Variants in PLEKHA5 observed in about 807,000 individuals in gnomAD.
PLEKHA5 encodes pleckstrin homology domain containing A5, also known as pleckstrin homology domain-containing family A member 5.
PLEKHA5 carries 55 observed loss-of-function variants against 181.9 expected under a neutral mutation model. The ratio of observed to expected loss-of-function variants is 0.30; its 90% CI spans 0.24 to 0.38. PLEKHA5 has a LOEUF of 0.38. PLEKHA5 is among the 10% of genes least tolerant of loss of function. The pLI is 1.00. For synonymous variants in PLEKHA5, 535 were observed against 529.4 expected, an observed-to-expected ratio of 1.01 and a Z score of -0.15; for missense variants, 1,432 against 1,549.5, an observed-to-expected ratio of 0.92 and a Z score of 1.27.
chr12:19,292,760 G>A (rs2078794796), intron 15 of PLEKHA5, among the ~76,000 whole-genome samples: 3 of 152,052 alleles, frequency 2.0e-5, no homozygotes, highest in South Asian at 4.1e-4. Flanking sequence ...CCAACGTGGC[G>A]AAACACCGTC....
Position 19,314,889 on chromosome 12 carries a change from C to T in PLEKHA5, c.2113C>T (p.Gln705Ter). The change falls in exon 16 of 32, where the codon CAG (glutamine) becomes TAG (stop). Residue 705 changes from glutamine to a stop codon, truncating the protein, a stop_gained. Coordinates refer to ENST00000429027, the MANE Select transcript of PLEKHA5 (RefSeq NM_001256470.2). LOFTEE classifies it high-confidence loss of function. ...ENSALRPQLY[Q>*]QFLRQKSKIS... ...CTCGGCGCTAAGACCCCAACTGTAC[C>T]AGCAAGTAAGGTCTTGGACAGTGAA... 6.6e-7 allele frequency: 1 copy of T among 1,525,236 alleles called. No homozygotes were observed. Among genetic ancestry groups the T allele is most frequent in the Non-Finnish European group, 8.9e-7 (1 of 1,122,962 alleles). The allele number at this position is 1,525,236 out of a possible 1,614,324, so 94.5% of individuals were successfully genotyped here.
chr12:19,201,977 A>T (rs1023619103), intron 3 of PLEKHA5: 7 of 913,828 alleles, frequency 7.7e-6, no homozygotes, highest in African/African-American at 1.8e-5. Flanking sequence ...ACTGCAATAA[A>T]ACTAAATAAA....
At chr12:19,176,979 C>T (rs749060674) in intron 3 of PLEKHA5, among the ~76,000 whole-genome samples, 22 of 151,916 alleles carry the variant, frequency 1.4e-4, no homozygotes, top group Non-Finnish European at 2.2e-4. Context: ...GTCTCTCTCC[C>T]GCCTCGGCCT....
In PLEKHA5 at chr12:19,283,495, A is replaced by G. The variant is rs778059703; in HGVS notation, c.1529A>G (p.Tyr510Cys). ...AGAGATGACACAATGTGGCAGCTCTACGAATGGCAGCAGCGTCAGTTTTAT... is the reference window on the plus strand; with the variant it reads ...AGAGATGACACAATGTGGCAGCTCTGCGAATGGCAGCAGCGTCAGTTTTAT... ...SMRDDTMWQL[Y>C]EWQQRQFYNK... Residue 510 changes from tyrosine (Y) to cysteine (C), a missense_variant, in exon 12 of 32, where the codon TAC becomes TGC. By Grantham distance (194) the Tyr-to-Cys change is radical. This residue lies in a region of PLEKHA5 where 1,143 missense variants were observed against 1,168.4 expected (regional missense o/e 0.98). Transcript: ENST00000429027. The G allele has an allele frequency of 1.9e-6, 3 of 1,614,210 alleles. No individual in the cohort carries two copies. Among genetic ancestry groups the G allele is most frequent in the Admixed American group, 3.3e-5 (2 of 60,018 alleles).
At chr12:19,234,558 C>T (rs1057371224) in intron 3 of PLEKHA5, among the ~76,000 whole-genome samples, 5 of 152,180 alleles carry the variant, frequency 3.3e-5, no homozygotes, top group Non-Finnish European at 7.3e-5. Flanking sequence ...AGTCTCTTGA[C>T]ACATCCCTGC....
At chr12:19,231,926 A>AT (rs2060687929) in intron 3 of PLEKHA5, among the ~76,000 whole-genome samples, 1 of 152,110 alleles carries the variant, frequency 6.6e-6, no homozygotes, top group African/African-American at 2.4e-5. Context: ...ATCGAGAAAA[A>AT]TTGTCTTCAA....
At position 19,369,697 on chromosome 12, in the gene PLEKHA5, A is replaced by G. The variant is rs1216090919; in HGVS notation, c.3759A>G (p.Lys1253=). 6.2e-7 allele frequency: 1 copy of G among 1,600,320 alleles called. No individual in the cohort carries two copies. Among genetic ancestry groups the G allele is most frequent in the Non-Finnish European group, 8.5e-7 (1 of 1,172,728 alleles). ...VSRGNQTMAV[K]SLSPSPESSA... ...CATTTTCTTTGTGTGTTTTAGTGAA[A>G]AGTCTGTCCCCATCTCCTGAGTCCT... is the stretch of plus-strand genomic sequence containing the variant. The change falls in exon 31 of 32, where the codon AAA becomes AAG. Residue 1253 remains lysine (K), a synonymous_variant. Coordinates refer to ENST00000429027, the MANE Select transcript of PLEKHA5 (RefSeq NM_001256470.2).
intron 3 of PLEKHA5, among the ~76,000 whole-genome samples, chr12:19,209,702 A>G (rs2056517907): frequency 6.6e-6 from 1 of 152,206 alleles, no homozygotes; most frequent in Non-Finnish European, 1.5e-5. Context: ...GGCTACCAAG[A>G]GGTGGAAGTG....
intron 15 of PLEKHA5, chr12:19,306,891 C>T: frequency 1.2e-6 from 1 of 809,278 alleles, no homozygotes; most frequent in Non-Finnish European, 2.1e-6. Context: ...AAGGCTAAGG[C>T]TTGTCTCTGT....
chr12:19,374,560 G>A (rs931280991), intron 31 of PLEKHA5, among the ~76,000 whole-genome samples: 1 of 152,040 alleles, frequency 6.6e-6, no homozygotes. Context: ...TCTAGAGGCT[G>A]AGGCAGGAAA....
chr12:19,141,198 C>T (rs1332412296), intron 3 of PLEKHA5, among the ~76,000 whole-genome samples: 1 of 152,110 alleles, frequency 6.6e-6, no homozygotes, highest in Non-Finnish European at 1.5e-5. Context: ...TTCTCTTTAA[C>T]CAGAAAAAAT....
chr12:19,301,480 A>T (rs916029535), intron 15 of PLEKHA5, among the ~76,000 whole-genome samples: 4 of 148,080 alleles, frequency 2.7e-5, no homozygotes, highest in African/African-American at 1.0e-4. Flanking sequence ...CAAGGAAAAT[A>T]CATTAAGCTA....
At chr12:19,326,561 T>C (rs948240446) in intron 20 of PLEKHA5, among the ~76,000 whole-genome samples, 13 of 152,320 alleles carry the variant, frequency 8.5e-5, no homozygotes, top group African/African-American at 2.9e-4. Context: ...AAAGCAGTGT[T>C]CCCTATACTT....
intron 3 of PLEKHA5, among the ~76,000 whole-genome samples, chr12:19,187,608 A>C (rs567750892): frequency 6.6e-6 from 1 of 152,314 alleles, no homozygotes; most frequent in South Asian, 2.1e-4. Context: ...TCAGAGGTCA[A>C]GTTTTGCCAT....
At chr12:19,131,078 G>A (rs1270858549) in intron 2 of PLEKHA5, among the ~76,000 whole-genome samples, 1 of 152,206 alleles carries the variant, frequency 6.6e-6, no homozygotes, top group African/African-American at 2.4e-5. Context: ...TTACATTCGT[G>A]ACTTGTTTGT....
At chr12:19,233,907 C>G (rs781282785) in intron 3 of PLEKHA5, among the ~76,000 whole-genome samples, 1 of 152,176 alleles carries the variant, frequency 6.6e-6, no homozygotes, top group Non-Finnish European at 1.5e-5. Flanking sequence ...CGTTTATTAG[C>G]TCTCACGAAG....
rs569985603 is a variant in PLEKHA5 at position 19,233,787 on chromosome 12, A to AT, written c.228-20147dup. The stretch of plus-strand genomic sequence containing the variant: ...AGAGTACTTTGGAGGCCCTCACTGG[A>AT]TTTTTTCTGTGGCTTTTTAATGAAG... On this transcript the variant is annotated intron_variant, in intron 3 of 31. Transcript: ENST00000429027. Among the ~76,000 whole-genome samples, 6 of 152,250 alleles carry AT rather than the reference A, an allele frequency of 3.9e-5. No individual in the cohort carries two copies. The East Asian group carries it at 9.6e-4, about 24-fold the overall frequency.
intron 29 of PLEKHA5, among the ~76,000 whole-genome samples, chr12:19,365,133 A>T (rs1370949142): frequency 6.6e-6 from 1 of 152,042 alleles, no homozygotes; most frequent in South Asian, 2.1e-4. Flanking sequence ...CCACTTTGGG[A>T]GGCTGAGGTG....
intron 12 of PLEKHA5, among the ~76,000 whole-genome samples, chr12:19,285,063 T>A (rs2076941227): frequency 1.3e-5 from 2 of 151,926 alleles, no homozygotes; most frequent in Non-Finnish European, 2.9e-5. Context: ...AATAAGCATT[T>A]GTTAAGATTA....
Sources: gnomAD v4.1 joint callset for allele counts (sites outside exome capture counted in the v4.1 genomes callset) on GRCh38, gnomAD v4.1.1 for gene constraint, gnomAD v4.1.1 regional missense constraint, MANE v1.5 for transcripts, NCBI Gene and HGNC (gene_info 2026-07-23, HGNC 2026-07-21) for gene names.